RPTN: variants seen among roughly 807,000 people sequenced by gnomAD.
The protein encoded by RPTN is repetin, also known as intermediate filament-associated protein.
In RPTN, 4 loss-of-function variants were observed where a neutral mutation model predicts 3.6. That is an observed-to-expected ratio of 1.12 (90% CI 0.55 to 2.55). The LOEUF (loss-of-function observed/expected upper bound fraction) is 2.55. Ranked by LOEUF, RPTN falls within the 30% of genes most tolerant of loss-of-function variation. RPTN has a pLI of 0.02. For synonymous variants in RPTN, 293 were observed against 319.3 expected (o/e 0.92, Z 0.88); for missense variants, 860 against 916.7 (o/e 0.94, Z 0.80).
intron 1 of RPTN, 62 bp from the exon 2 acceptor site, chr1:152,157,971 G>T: frequency 1.4e-6 from 2 of 1,408,704 alleles, no homozygotes; most frequent in Non-Finnish European, 2.0e-6. Context: ...AGCATTTCCA[G>T]AGGGAAAGTG....
rs1659194665 is a variant in RPTN, at chr1:152,156,076, G to A, written c.1023C>T (p.Ser341=). Residue 341 remains serine, a synonymous_variant, in exon 3 of 3, where the codon TCC becomes TCT. Transcript: ENST00000316073. ...CTTTTCTGTCCATTTGACCATAGTGGGAACTCTGACCTTGTCTGTCTGGCT... is the reference window on the plus strand; with the variant it reads ...CTTTTCTGTCCATTTGACCATAGTGAGAACTCTGACCTTGTCTGTCTGGCT... The part of the protein sequence containing the change: ...YSQPDRQGQS[S]HYGQMDRKGQ... 1 of 1,611,882 alleles carries A rather than the reference G, an allele frequency of 6.2e-7. No homozygotes were observed. Among genetic ancestry groups the A allele is most frequent in the Non-Finnish European group, 8.5e-7 (1 of 1,179,662 alleles).
chr1:152,154,720 A>T lies in RPTN; in HGVS notation c.*24T>A. On this transcript the variant is annotated 3_prime_UTR_variant, in exon 3 of 3. Coordinates refer to ENST00000316073, the MANE Select transcript of RPTN (RefSeq NM_001122965.1). ...TATTATGTTGTTGCTGATGGTTTTG[A>T]TCCTCTTCATGAGTTTGCCTGTCTC... is the stretch of plus-strand genomic sequence containing the variant. 6.2e-7 allele frequency: 1 copy of T among 1,609,980 alleles called. No homozygotes were observed. The highest frequency in any genetic ancestry group is 8.5e-7 in the Non-Finnish European group (1 of 1,178,124).
At position 152,156,584 on chromosome 1, in the gene RPTN, T is replaced by C. The variant is rs1659210841; in HGVS notation, c.515A>G (p.Gln172Arg). The change falls in exon 3 of 3, where the codon CAG becomes CGG. Residue 172 changes from glutamine to arginine, a missense_variant. Transcript: ENST00000316073. ...AGAATCTCTGTCTTGTCTCTCAGGC[T>C]GACTGTGGTGGGAATCTCTGTCTTG... The part of the protein sequence containing the change: ...EKQDRDSHHS[Q>R]PERQDRDSHH... The C allele has an allele frequency of 1.2e-6, 2 of 1,600,588 alleles. No individual in the cohort carries two copies. Among genetic ancestry groups the C allele is most frequent in the Non-Finnish European group, 1.7e-6 (2 of 1,173,574 alleles).
At position 152,155,216 on chromosome 1, in the gene RPTN, C is replaced by A; in HGVS notation, c.1883G>T (p.Gly628Val). 1.2e-6 allele frequency: 2 copies of A among 1,614,196 alleles called. No individual in the cohort carries two copies. Among genetic ancestry groups the A allele is most frequent in the Non-Finnish European group, 1.7e-6 (2 of 1,180,030 alleles). ...GAATCCCTGTCCCTGGTTTTGGTAC[C>A]CTTCCTGTCCTGGAGTCTGTTGACT... ...RLSQQTPGQEGYQNQGQGFQS... is the reference protein window; with the variant it reads ...RLSQQTPGQEVYQNQGQGFQS... Residue 628 changes from glycine (G) to valine (V), a missense_variant, in exon 3 of 3, where the codon GGG becomes GTG. Gly to Val is a moderately radical substitution (Grantham distance 109, BLOSUM62 -3). Coordinates refer to ENST00000316073, the MANE Select transcript of RPTN (RefSeq NM_001122965.1).
rs377081641 is a variant in RPTN, at chr1:152,154,871, C to T, written c.2228G>A (p.Arg743Gln). ...THKDEQNHQR[R>Q]DRQTHEHEQS... ...CTCATGTTCATGGGTTTGTCTGTCTCGTCTCTGATGGTTCTGCTCATCTTT... is the reference window on the plus strand; with the variant it reads ...CTCATGTTCATGGGTTTGTCTGTCTTGTCTCTGATGGTTCTGCTCATCTTT... Residue 743 changes from arginine to glutamine, a missense_variant, in exon 3 of 3, where the codon CGA becomes CAA. Coordinates refer to ENST00000316073, the MANE Select transcript of RPTN (RefSeq NM_001122965.1). 4.0e-5 allele frequency: 65 copies of T among 1,613,860 alleles called. No individual in the cohort carries two copies. Among genetic ancestry groups the T allele is most frequent in the East Asian group, 2.9e-4 (13 of 44,880 alleles).
At position 152,154,998 on chromosome 1, in the gene RPTN, G is replaced by A; in HGVS notation, c.2101C>T (p.Leu701=). The stretch of plus-strand genomic sequence containing the variant: ...TGCTCTTCCTCTGCCCAGTGGCTCA[G>A]CCCCTCACCATGACTCTGCCTGGTC... ...AQTRQSHGEG[L]SHWAEEEQGH... Residue 701 remains leucine (L), a synonymous_variant, in exon 3 of 3, where the codon CTG becomes TTG. Coordinates refer to ENST00000316073, the MANE Select transcript of RPTN (RefSeq NM_001122965.1). 6.2e-7 allele frequency: 1 copy of A among 1,613,760 alleles called. No homozygotes were observed. The highest frequency in any genetic ancestry group is 8.5e-7 in the Non-Finnish European group (1 of 1,179,754).
At position 152,156,126 on chromosome 1, in the gene RPTN, G is replaced by C. The variant is rs1330906625; in HGVS notation, c.973C>G (p.Gln325Glu). The C allele has an allele frequency of 6.2e-7, 1 of 1,613,548 alleles. No individual in the cohort carries two copies. Among genetic ancestry groups the C allele is most frequent in the East Asian group, 2.2e-5 (1 of 44,830 alleles). The change falls in exon 3 of 3, where the codon CAA becomes GAA. Residue 325 changes from glutamine (Q) to glutamate (E), a missense_variant. Gln to Glu is a conservative substitution (Grantham distance 29). Transcript: ENST00000316073. ...TGACTGTAGTGGGAACTCTGGCCTT[G>C]TCTGTCCGTCTGACTGTAGTGGGAA... ...QSSHYSQTDR[Q>E]GQSSHYSQPD...
Position 152,155,690 on chromosome 1 carries a change from C to A in RPTN, c.1409G>T (p.Gly470Val), listed in dbSNP as rs527796974. 1 of 1,612,712 alleles carries A rather than the reference C, an allele frequency of 6.2e-7. No individual in the cohort carries two copies. Among genetic ancestry groups the A allele is most frequent in the Non-Finnish European group, 8.5e-7 (1 of 1,179,572 alleles). Residue 470 changes from glycine (G) to valine (V), a missense_variant, in exon 3 of 3, where the codon GGC (glycine) becomes GTC (valine). By Grantham distance (109) the Gly-to-Val change is moderately radical. Transcript: ENST00000316073. ...TGGCTGACTGTAGTGGGAACTCTGG[C>A]CTTGTCTGTCTGTCTGACCATAGTG... is the stretch of plus-strand genomic sequence containing the variant. ...SSHYGQTDRQGQSSHYSQPDK... is the reference protein window; with the variant it reads ...SSHYGQTDRQVQSSHYSQPDK...
At chr1:152,157,605 G>GTGTGTGTGTGT in intron 2 of RPTN, 147 bp downstream of exon 2, 1 of 546,566 alleles carries the variant, frequency 1.8e-6, no homozygotes, top group Non-Finnish European at 3.3e-6. Flanking sequence ...GTGTGTGTAT[G>GTGTGTGTGTGT]CTGGGAGAGA....
chr1:152,157,774 G>C lies in RPTN; in HGVS notation c.116C>G (p.Ala39Gly). ...CKEELKQLLL[A>G]EFGDILQRPN... The stretch of plus-strand genomic sequence containing the variant: ...TACCTGGAGGATGTCTCCAAACTCA[G>C]CCAAGAGCAGTTGTTTCAACTCTTC... Residue 39 changes from alanine (A) to glycine (G), a missense_variant, in exon 2 of 3, where the codon GCT (alanine) becomes GGT (glycine). Ala to Gly is a moderately conservative substitution (Grantham distance 60). Transcript: ENST00000316073. 1 of 1,613,984 alleles carries C rather than the reference G, an allele frequency of 6.2e-7. No individual in the cohort carries two copies. The highest frequency in any genetic ancestry group is 1.1e-5 in the South Asian group (1 of 91,070).
In RPTN at chr1:152,157,735, G is replaced by T. The variant is rs1404627066; in HGVS notation, c.138+17C>A. ...TTCACACTTGATCTCATGGGGCTGT[G>T]TGTCTGTGTATCTTACCTGGAGGAT... On this transcript the variant is annotated intron_variant, in intron 2 of 2. Transcript: ENST00000316073. The T allele has an allele frequency of 1.2e-6, 2 of 1,613,606 alleles. No homozygotes were observed. Among genetic ancestry groups the T allele is most frequent in the African/African-American group, 1.3e-5 (1 of 74,992 alleles).
In RPTN at chr1:152,155,312, T is replaced by G; in HGVS notation, c.1787A>C (p.Lys596Thr). ...SQTGEIQGQN[K>T]YFQGTEGTRK... ...TGTTCCTTCAGTCCCTTGGAAGTACTTATTTTGCCCTTGTATTTCCCCAGT... is the reference window on the plus strand; with the variant it reads ...TGTTCCTTCAGTCCCTTGGAAGTACGTATTTTGCCCTTGTATTTCCCCAGT... The change falls in exon 3 of 3, where the codon AAG (lysine) becomes ACG (threonine). Residue 596 changes from lysine to threonine, a missense_variant. Transcript: ENST00000316073. 3.7e-6 allele frequency: 6 copies of G among 1,614,262 alleles called. No individual in the cohort carries two copies. The highest frequency in any genetic ancestry group is 5.1e-6 in the Non-Finnish European group (6 of 1,180,052).
chr1:152,155,379 T>A lies in RPTN; in HGVS notation c.1720A>T (p.Thr574Ser). ...RQGQSYHYGQ[T>S]DRQGQSSHYI... is the part of the protein sequence containing the mutation. ...TGGGAACTCTGGCCTTGTCTGTCTG[T>A]CTGACCATAATGATAGCTCTGGCCT... Residue 574 changes from threonine to serine, a missense_variant, in exon 3 of 3, where the codon ACA becomes TCA. Thr to Ser is a moderately conservative substitution (Grantham distance 58). Coordinates refer to ENST00000316073, the MANE Select transcript of RPTN (RefSeq NM_001122965.1). 6.2e-6 allele frequency: 10 copies of A among 1,613,880 alleles called. No homozygotes were observed. Among genetic ancestry groups the A allele is most frequent in the Non-Finnish European group, 8.5e-6 (10 of 1,179,948 alleles).
chr1:152,156,649 C>G lies in RPTN; in HGVS notation c.450G>C (p.Glu150Asp), dbSNP rs757520501. The change falls in exon 3 of 3, where the codon GAG becomes GAC. Residue 150 changes from glutamate to aspartate, a missense_variant. By Grantham distance (45) the Glu-to-Asp change is conservative (BLOSUM62 2). Coordinates refer to ENST00000316073, the MANE Select transcript of RPTN (RefSeq NM_001122965.1). ...QDGDSHHGQP[E>D]RQDRDSHHGQ... ...CATGGTGGGAATCTCTGTCTTGTCT[C>G]TCAGGCTGACCATGGTGGGAATCTC... is the stretch of plus-strand genomic sequence containing the variant. 9 of 1,598,950 alleles carry G rather than the reference C, an allele frequency of 5.6e-6. No homozygotes were observed. The highest frequency in any genetic ancestry group is 7.7e-6 in the Non-Finnish European group (9 of 1,173,076).
At position 152,156,461 on chromosome 1, in the gene RPTN, T is replaced by C; in HGVS notation, c.638A>G (p.Lys213Arg). ...DSSSGKKVSH[K>R]STSGQAKWQG... Reference sequence around the variant, plus strand: ...CCATTTAGCCTGGCCACTGGTAGATTTGTGACTCACTTTTTTACCAGAGCT... The same window carrying C: ...CCATTTAGCCTGGCCACTGGTAGATCTGTGACTCACTTTTTTACCAGAGCT... Residue 213 changes from lysine (K) to arginine (R), a missense_variant, in exon 3 of 3, where the codon AAA becomes AGA. By Grantham distance (26) the Lys-to-Arg change is conservative. Transcript: ENST00000316073. 1.2e-6 allele frequency: 2 copies of C among 1,614,258 alleles called. No homozygotes were observed. The highest frequency in any genetic ancestry group is 1.7e-6 in the Non-Finnish European group (2 of 1,180,042).
At position 152,156,234 on chromosome 1, in the gene RPTN, G is replaced by A; in HGVS notation, c.865C>T (p.Gln289Ter). 2 of 1,614,218 alleles carry A rather than the reference G, an allele frequency of 1.2e-6. No homozygotes were observed. The highest frequency in any genetic ancestry group is 8.5e-7 in the Non-Finnish European group (1 of 1,180,044). ...TGACCGTAGTGGGAACTCTGGCCTT[G>A]TCTGTCTGTCTGACCACAGCCTAAT... is the stretch of plus-strand genomic sequence containing the variant. ...QELGCGQTDRQGQSSHYGQTD... is the reference protein window; with the variant it reads ...QELGCGQTDR The change falls in exon 3 of 3, where the codon CAA becomes TAA. Residue 289 changes from glutamine to a stop codon, truncating the protein, a stop_gained. Transcript: ENST00000316073. LOFTEE classifies it low-confidence loss of function (END_TRUNC).
At position 152,155,830 on chromosome 1, in the gene RPTN, C is replaced by G. The variant is rs1659188130; in HGVS notation, c.1269G>C (p.Gln423His). The change falls in exon 3 of 3, where the codon CAG becomes CAC. Residue 423 changes from glutamine (Q) to histidine (H), a missense_variant. Transcript: ENST00000316073. Reference sequence around the variant, plus strand: ...TGTCTGTCTGACCGTAGTGAGAACCCTGGCCTTGTCGGTCCATCTGACTGT... The same window carrying G: ...TGTCTGTCTGACCGTAGTGAGAACCGTGGCCTTGTCGGTCCATCTGACTGT... ...SHYSQMDRQGQGSHYGQTDRQ... is the reference protein window; with the variant it reads ...SHYSQMDRQGHGSHYGQTDRQ... The G allele has an allele frequency of 4.3e-6, 7 of 1,609,936 alleles. No individual in the cohort carries two copies. The highest frequency in any genetic ancestry group is 4.2e-6 in the Non-Finnish European group (5 of 1,178,356).
At position 152,155,064 on chromosome 1, in the gene RPTN, A is replaced by G. The variant is rs759695533; in HGVS notation, c.2035T>C (p.Trp679Arg). The change falls in exon 3 of 3, where the codon TGG becomes CGG. Residue 679 changes from tryptophan (W) to arginine (R), a missense_variant. Transcript: ENST00000316073. ...ERPLCHKGRDWQSCSSEQGHR... is the reference protein window; with the variant it reads ...ERPLCHKGRDRQSCSSEQGHR... ...CCCTGCTCACTACTGCATGATTGCC[A>G]GTCTCTCCCTTTGTGACAAAGTGGT... The G allele has an allele frequency of 1.6e-5, 26 of 1,613,958 alleles. No individual in the cohort carries two copies. The highest frequency in any genetic ancestry group is 8.5e-7 in the Non-Finnish European group (1 of 1,180,000).
At position 152,155,567 on chromosome 1, in the gene RPTN, T is replaced by A; in HGVS notation, c.1532A>T (p.Tyr511Phe). Residue 511 changes from tyrosine to phenylalanine, a missense_variant, in exon 3 of 3, where the codon TAT (tyrosine) becomes TTT (phenylalanine). Transcript: ENST00000316073. ...CTGGCCTTGTCTGTCTGTCTGACCATAGTGGGAACTTTGGCCTTGTCCGTC... is the reference window on the plus strand; with the variant it reads ...CTGGCCTTGTCTGTCTGTCTGACCAAAGTGGGAACTTTGGCCTTGTCCGTC... ...QPDGQGQSSH[Y>F]GQTDRQGQSF... The A allele has an allele frequency of 6.2e-7, 1 of 1,604,376 alleles. No homozygotes were observed. Among genetic ancestry groups the A allele is most frequent in the Non-Finnish European group, 8.5e-7 (1 of 1,172,928 alleles).
Sources: allele counts gnomAD v4.1 joint callset, GRCh38; gene constraint gnomAD v4.1.1; transcripts MANE v1.5; gene names NCBI Gene and HGNC (gene_info 2026-07-23, HGNC 2026-07-21).